TSC1: variants seen among roughly 807,000 people sequenced by gnomAD.
TSC1 encodes TSC complex subunit 1.
A neutral mutation model predicts 124.3 loss-of-function variants in TSC1; 20 were observed. That is an observed-to-expected ratio of 0.16 (90% CI 0.11 to 0.23). TSC1 has a LOEUF of 0.23. Ranked by LOEUF, TSC1 falls within the 10% of genes least tolerant of loss-of-function variation. The probability of loss-of-function intolerance (pLI) is 1.00; values close to 1 mark genes in which losing one functional copy is unlikely to be tolerated. For missense variants in TSC1, 1,124 were observed against 1,448.5 expected, an observed-to-expected ratio of 0.78 and a Z score of 3.64; for synonymous variants, 493 against 539.1, an observed-to-expected ratio of 0.91 and a Z score of 1.19.
At chr9:132,917,940 T>C (rs1201182148) in intron 8 of TSC1, among the ~76,000 whole-genome samples, 1 of 152,226 alleles carries the variant, frequency 6.6e-6, no homozygotes. Flanking sequence ...TATGGTTTTG[T>C]TCTAGCTCTC....
At chr9:132,908,646 G>A (rs1845789475) in intron 12 of TSC1, among the ~76,000 whole-genome samples, 1 of 149,098 alleles carries the variant, frequency 6.7e-6, no homozygotes, top group Non-Finnish European at 1.5e-5. Context: ...ATGGGGTTTT[G>A]CATGTTGCCC....
chr9:132,919,603 G>A (rs1344556870), intron 8 of TSC1, among the ~76,000 whole-genome samples: 1 of 152,098 alleles, frequency 6.6e-6, no homozygotes, highest in Non-Finnish European at 1.5e-5. Context: ...CCAAAACACT[G>A]CATCCTTCCT....
rs1333670766 is a variant in TSC1 at position 132,906,284 on chromosome 9, G to A, written c.1439-145C>T. ...CATCCGGCTGGACACAGTGGCTCAC[G>A]CCTGTAATGCCAGAACTTTGGGAGG... On this transcript the variant is annotated intron_variant, in intron 14 of 22. Coordinates refer to ENST00000298552, the MANE Select transcript of TSC1 (RefSeq NM_000368.5). The surrounding 1 kb of genome is among the most constrained non-coding windows in gnomAD (Gnocchi z 4.1). The A allele has an allele frequency of 3.1e-5, 28 of 915,112 alleles. No individual in the cohort carries two copies. The highest frequency in any genetic ancestry group is 8.0e-5 in the Admixed American group (4 of 49,848). The allele number at this position is 915,112 out of a possible 1,614,324, so 56.7% of individuals were successfully genotyped here.
At chr9:132,924,621 T>C (rs1486766691) in intron 5 of TSC1, among the ~76,000 whole-genome samples, 1 of 152,220 alleles carries the variant, frequency 6.6e-6, no homozygotes, top group African/African-American at 2.4e-5. Context: ...ATTTAGATTA[T>C]ATTCTCACCA....
intron 16 of TSC1, 80 bp downstream of exon 16, chr9:132,904,331 C>T (rs2131784288): frequency 6.7e-7 from 1 of 1,495,892 alleles, no homozygotes; most frequent in East Asian, 2.3e-5. Context: ...TCCCAGAGGG[C>T]ACCTCCTTCA....
At chr9:132,904,521 T>C in intron 15 of TSC1, 67 bp from the exon 16 acceptor site, 1 of 1,505,956 alleles carries the variant, frequency 6.6e-7, no homozygotes, top group Non-Finnish European at 9.2e-7. Flanking sequence ...TCTGGACTTT[T>C]ATTTGCAGCA....
intron 8 of TSC1, among the ~76,000 whole-genome samples, chr9:132,916,283 T>A (rs1846269076): frequency 6.6e-6 from 1 of 152,076 alleles, no homozygotes; most frequent in African/African-American, 2.4e-5. Flanking sequence ...GTACTAAAGG[T>A]TCCTCCCATC....
At chr9:132,914,282 C>T (rs1269279643) in intron 8 of TSC1, among the ~76,000 whole-genome samples, 1 of 152,038 alleles carries the variant, frequency 6.6e-6, no homozygotes, top group Non-Finnish European at 1.5e-5. Flanking sequence ...TAGAAACAGA[C>T]ATACAACAAT....
chr9:132,917,109 A>G (rs1234569416), intron 8 of TSC1, among the ~76,000 whole-genome samples: 1 of 152,120 alleles, frequency 6.6e-6, no homozygotes, highest in Non-Finnish European at 1.5e-5. Flanking sequence ...CAGCATTCTG[A>G]TTTCTAATCC....
rs766438395 is a variant in TSC1 at position 132,905,784 on chromosome 9, G to A, written c.1794C>T (p.Ser598=). 5.0e-6 allele frequency: 8 copies of A among 1,614,066 alleles called. No individual in the cohort carries two copies. The highest frequency in any genetic ancestry group is 2.7e-5 in the African/African-American group (2 of 74,912). ...GATGATCATACGGGGGAGGCTGCCC[G>A]CTTCCAAAGCCCACTCTCGTCGGAG... is the stretch of plus-strand genomic sequence containing the variant. ...IPPPTRVGFG[S]GQPPPYDHLF... is the part of the protein sequence containing the mutation. The change falls in exon 15 of 23, where the codon AGC becomes AGT. Residue 598 remains serine (S), a synonymous_variant. Transcript: ENST00000298552.
chr9:132,899,982 G>A (rs563919264), intron 20 of TSC1: 36 of 152,466 alleles, frequency 2.4e-4, no homozygotes, highest in African/African-American at 8.7e-4. Context: ...TCTGAGAGCT[G>A]AGAGGAGCCA....
rs886063623 is a variant in TSC1 at position 132,905,833 on chromosome 9, G to A, written c.1745C>T (p.Thr582Ile). Residue 582 changes from threonine to isoleucine, a missense_variant, in exon 15 of 23, where the codon ACT (threonine) becomes ATT (isoleucine). By Grantham distance (89) the Thr-to-Ile change is moderately conservative. Coordinates refer to ENST00000298552, the MANE Select transcript of TSC1 (RefSeq NM_000368.5). Reference protein sequence around the residue: ...CQTSLETSIFTPSPCKIPPPT... With the variant: ...CQTSLETSIFIPSPCKIPPPT... Reference sequence around the variant, plus strand: ...AGGTGGAATTTTACAAGGACTGGGAGTGAAGATACTGGTCTCCAAAGAAGT... The same window carrying A: ...AGGTGGAATTTTACAAGGACTGGGAATGAAGATACTGGTCTCCAAAGAAGT... The A allele has an allele frequency of 4.3e-6, 7 of 1,614,138 alleles. No individual in the cohort carries two copies. The highest frequency in any genetic ancestry group is 3.3e-5 in the Admixed American group (2 of 60,034).
At position 132,894,426 on chromosome 9, in the gene TSC1, A is replaced by G. The variant is rs959950258; in HGVS notation, c.*1809T>C. ...TCCTTTTCTAAAACGGAACCAGGAA[A>G]CTAGACTGTATTGGGTTTTAAGCTT... On this transcript the variant is annotated 3_prime_UTR_variant, in exon 23 of 23. Transcript: ENST00000298552. 1.3e-5 allele frequency: 3 copies of G among 229,126 alleles called. No homozygotes were observed. Among genetic ancestry groups the G allele is most frequent in the African/African-American group, 6.7e-5 (3 of 45,112 alleles). 14.2% of individuals were successfully genotyped at this position (229,126 alleles called of 1,614,324 possible). A position where few individuals can be genotyped will look rare whatever the true frequency, so the allele number is the denominator to read the frequency against.
At chr9:132,919,951 G>A (rs1012112778) in intron 8 of TSC1, among the ~76,000 whole-genome samples, 1 of 152,218 alleles carries the variant, frequency 6.6e-6, no homozygotes, top group Non-Finnish European at 1.5e-5. Flanking sequence ...ATCAGCAGAG[G>A]ACATTCATTT....
chr9:132,921,423 T>A lies in TSC1; in HGVS notation c.677A>T (p.His226Leu). ...CACTAATTCCGGATGAATTCGCACA[T>A]GCTCCATCATTGGCTAGAAGAGTTG... ...FEEVVKPMME[H>L]VRIHPELVTG... Residue 226 changes from histidine (H) to leucine (L), a missense_variant, in exon 8 of 23, where the codon CAT becomes CTT. This residue lies in a region of TSC1 where 463 missense variants were observed against 606.8 expected (regional missense o/e 0.76). Coordinates refer to ENST00000298552, the MANE Select transcript of TSC1 (RefSeq NM_000368.5). The surrounding 1 kb of genome is among the most constrained non-coding windows in gnomAD (Gnocchi z 4.3). 1 of 1,614,190 alleles carries A rather than the reference T, an allele frequency of 6.2e-7. No homozygotes were observed. Among genetic ancestry groups the A allele is most frequent in the Non-Finnish European group, 8.5e-7 (1 of 1,180,000 alleles).
intron 1 of TSC1, chr9:132,942,360 A>C (rs903283383): frequency 3.9e-5 from 6 of 152,246 alleles, no homozygotes; most frequent in African/African-American, 1.2e-4. Context: ...ATAGTGCCAA[A>C]TATCTGTACA....
At chr9:132,934,138 C>A (rs1847338353) in intron 2 of TSC1, among the ~76,000 whole-genome samples, 2 of 152,176 alleles carry the variant, frequency 1.3e-5, no homozygotes, top group Non-Finnish European at 2.9e-5. Context: ...CACTAAACAG[C>A]AACCACTGAG....
rs1588321339 is a variant in TSC1 at position 132,910,597 on chromosome 9, G to C, written c.1237C>G (p.Gln413Glu). The C allele has an allele frequency of 6.2e-7, 1 of 1,613,996 alleles. No individual in the cohort carries two copies. The highest frequency in any genetic ancestry group is 1.3e-5 in the African/African-American group (1 of 74,932). ...SDDYVHISLP[Q>E]ATVTPPRKEE... ...TTCCTGGGGGGTGTGACTGTGGCCTGGGGGAGTGAAATGTGCACGTAGTCA... is the reference window on the plus strand; with the variant it reads ...TTCCTGGGGGGTGTGACTGTGGCCTCGGGGAGTGAAATGTGCACGTAGTCA... The change falls in exon 12 of 23, where the codon CAG becomes GAG. Residue 413 changes from glutamine to glutamate, a missense_variant. Around this residue, in one of 5 missense-constraint regions of TSC1, gnomAD observed 463 missense variants for 606.8 expected, o/e 0.76. Transcript: ENST00000298552.
At chr9:132,937,415 C>A (rs1037168313) in intron 1 of TSC1, among the ~76,000 whole-genome samples, 1 of 152,178 alleles carries the variant, frequency 6.6e-6, no homozygotes, top group Admixed American at 6.5e-5. Flanking sequence ...TGCACTCCAG[C>A]CTGGGCAACA....
Sources: gnomAD v4.1 joint callset for allele counts (sites outside exome capture counted in the v4.1 genomes callset) on GRCh38, gnomAD v4.1.1 for gene constraint, gnomAD v4.1.1 regional missense constraint, Gnocchi (gnomAD v3.1) non-coding constraint, MANE v1.5 for transcripts, NCBI Gene and HGNC (gene_info 2026-07-23, HGNC 2026-07-21) for gene names.